HSD17B8: variants seen among roughly 807,000 people sequenced by gnomAD.
HSD17B8 encodes the protein hydroxysteroid 17-beta dehydrogenase 8, also known as (3R)-3-hydroxyacyl-CoA dehydrogenase.
HSD17B8 carries 23 observed loss-of-function variants against 33.2 expected under a neutral mutation model. The ratio of observed to expected loss-of-function variants is 0.69; its 90% CI spans 0.50 to 0.98. The LOEUF (loss-of-function observed/expected upper bound fraction) is 0.98, where lower values mean the gene tolerates loss of function less well. HSD17B8 is among the 50% of genes least tolerant of loss of function. The probability of loss-of-function intolerance (pLI) is 0.00; values close to 1 mark genes in which losing one functional copy is unlikely to be tolerated. For synonymous variants in HSD17B8, 137 were observed against 138.6 expected (o/e 0.99, Z 0.08); for missense variants, 345 against 347.5 (o/e 0.99, Z 0.06).
At position 33,205,139 on chromosome 6, in the gene HSD17B8, C is replaced by T. The variant is rs762139963; in HGVS notation, c.270+20C>T. ...GTGCAGGTGAACGCTAGGCCACTTT[C>T]CCCCTCTAAAGCTCTGATATTGCCT... is the stretch of plus-strand genomic sequence containing the variant. On this transcript the variant is annotated intron_variant, in intron 2 of 8. Coordinates refer to ENST00000374662, the MANE Select transcript of HSD17B8 (RefSeq NM_014234.5). This position sits in a 1 kb window ranked among gnomAD's most constrained non-coding sequence, Gnocchi z 5.0. The T allele has an allele frequency of 1.9e-6, 3 of 1,582,520 alleles. No individual in the cohort carries two copies. The highest frequency in any genetic ancestry group is 3.5e-5 in the Admixed American group (2 of 57,522).
chr6:33,206,044 A>T lies in HSD17B8; in HGVS notation c.652-90A>T. The T allele has an allele frequency of 6.8e-7, 1 of 1,470,820 alleles. No homozygotes were observed. Among genetic ancestry groups the T allele is most frequent in the Non-Finnish European group, 9.5e-7 (1 of 1,058,084 alleles). The allele number at this position is 1,470,820 out of a possible 1,614,324, so 91.1% of individuals were successfully genotyped here. A position where few individuals can be genotyped will look rare whatever the true frequency, so the allele number is the denominator to read the frequency against. ...CAAACATTAAATATTCAATGAATGT[A>T]TGAGAAATGAAGACAAAAAAGGGTC... On this transcript the variant is annotated intron_variant, in intron 6 of 8. Coordinates refer to ENST00000374662, the MANE Select transcript of HSD17B8 (RefSeq NM_014234.5). This position sits in a 1 kb window ranked among gnomAD's most constrained non-coding sequence, Gnocchi z 6.2.
At position 33,206,084 on chromosome 6, in the gene HSD17B8, C is replaced by CA. The variant is rs756421860; in HGVS notation, c.652-43dup. On this transcript the variant is annotated intron_variant, in intron 6 of 8. Coordinates refer to ENST00000374662, the MANE Select transcript of HSD17B8 (RefSeq NM_014234.5). The surrounding 1 kb of genome is among the most constrained non-coding windows in gnomAD (Gnocchi z 6.2). ...AAAAAAGGGTCACAGACTCAGTCTT[C>CA]AAAAAAATCCATAAAAGAAGCTTTC... is the stretch of plus-strand genomic sequence containing the variant. 8.8e-6 allele frequency: 14 copies of CA among 1,588,408 alleles called. No individual in the cohort carries two copies. The highest frequency in any genetic ancestry group is 1.1e-5 in the South Asian group (1 of 88,728).
In HSD17B8 at chr6:33,206,580, C is replaced by A; in HGVS notation, c.770-58C>A. 1.9e-6 allele frequency: 3 copies of A among 1,601,582 alleles called. No individual in the cohort carries two copies. The South Asian group carries it at 3.3e-5, about 18-fold the overall frequency. On this transcript the variant is annotated intron_variant, in intron 8 of 8. Coordinates refer to ENST00000374662, the MANE Select transcript of HSD17B8 (RefSeq NM_014234.5). The surrounding 1 kb of genome is among the most constrained non-coding windows in gnomAD (Gnocchi z 6.2). ...AAGGCCAGGGACAGAAGTGGGTACC[C>A]CCTAGCCCATTTGTGTCTCCACCCA...
In HSD17B8 at chr6:33,205,852, C is replaced by T; in HGVS notation, c.591C>T (p.Val197=). The T allele has an allele frequency of 6.2e-7, 1 of 1,612,964 alleles. No homozygotes were observed. The highest frequency in any genetic ancestry group is 8.5e-7 in the Non-Finnish European group (1 of 1,179,978). Residue 197 remains valine (V), a synonymous_variant, in exon 6 of 9, where the codon GTC becomes GTT. Coordinates refer to ENST00000374662, the MANE Select transcript of HSD17B8 (RefSeq NM_014234.5). The surrounding 1 kb of genome is among the most constrained non-coding windows in gnomAD (Gnocchi z 5.0). The part of the protein sequence containing the change: ...LGRHGIRCNS[V]LPGFIATPMT... ...GACATGGGATCCGCTGTAACTCTGTCCTCCCAGGGTTCATTGCAACACCCA... is the reference window on the plus strand; with the variant it reads ...GACATGGGATCCGCTGTAACTCTGTTCTCCCAGGGTTCATTGCAACACCCA...
chr6:33,204,749 T>C, intron 1 of HSD17B8, 29 bp downstream of exon 1: 1 of 1,612,556 alleles, frequency 6.2e-7, no homozygotes. Flanking sequence ...CCGGGCGGTT[T>C]GGGGTATTGG....
In HSD17B8 at chr6:33,205,556, C is replaced by T. The variant is rs760563977; in HGVS notation, c.480+17C>T. 6 of 1,612,116 alleles carry T rather than the reference C, an allele frequency of 3.7e-6. No individual in the cohort carries two copies. The South Asian group carries it at 4.4e-5, about 12-fold the overall frequency. On this transcript the variant is annotated intron_variant, in intron 4 of 8. Coordinates refer to ENST00000374662, the MANE Select transcript of HSD17B8 (RefSeq NM_014234.5). This position sits in a 1 kb window ranked among gnomAD's most constrained non-coding sequence, Gnocchi z 5.0. ...GTAGGAAAGGTCAGGTTGAGTTGGA[C>T]GAGGTCAGCCAGCCAAGTGGTATAG...
At position 33,206,269 on chromosome 6, in the gene HSD17B8, G is replaced by A. The variant is rs1775056402; in HGVS notation, c.694+93G>A. The A allele has an allele frequency of 6.4e-7, 1 of 1,555,194 alleles. No individual in the cohort carries two copies. The highest frequency in any genetic ancestry group is 8.9e-7 in the Non-Finnish European group (1 of 1,128,276). ...ATTTTCTAGGGGACTGGTGGTTGGT[G>A]TCTGTGGAGAGGTTTGTGGGGAGGG... On this transcript the variant is annotated intron_variant, in intron 7 of 8. Coordinates refer to ENST00000374662, the MANE Select transcript of HSD17B8 (RefSeq NM_014234.5). The surrounding 1 kb of genome is among the most constrained non-coding windows in gnomAD (Gnocchi z 6.2).
Position 33,204,702 on chromosome 6 carries a change from G to C in HSD17B8, c.34G>C (p.Ala12Pro). ...TCAGCTCCAGAACCGACTCCGCTCCGCACTGGCCTTGGTCACAGGTTGAGG... is the reference window on the plus strand; with the variant it reads ...TCAGCTCCAGAACCGACTCCGCTCCCCACTGGCCTTGGTCACAGGTTGAGG... Reference protein sequence around the residue: ...ASQLQNRLRSALALVTGAGSG... With the variant: ...ASQLQNRLRSPLALVTGAGSG... Residue 12 changes from alanine (A) to proline (P), a missense_variant, in exon 1 of 9, where the codon GCA becomes CCA. Transcript: ENST00000374662. 1 of 1,600,982 alleles carries C rather than the reference G, an allele frequency of 6.2e-7. No individual in the cohort carries two copies. The highest frequency in any genetic ancestry group is 2.3e-5 in the East Asian group (1 of 44,078).
chr6:33,205,981 G>GAGAT lies in HSD17B8; in HGVS notation c.651+72_651+73insTAGA, dbSNP rs1201931887. The GAGAT allele has an allele frequency of 1.2e-5, 17 of 1,400,180 alleles. No homozygotes were observed. The highest frequency in any genetic ancestry group is 1.7e-5 in the Non-Finnish European group (17 of 991,784). The allele number at this position is 1,400,180 out of a possible 1,614,324, so 86.7% of individuals were successfully genotyped here. A position where few individuals can be genotyped will look rare whatever the true frequency, so the allele number is the denominator to read the frequency against. On this transcript the variant is annotated intron_variant, in intron 6 of 8. Coordinates refer to ENST00000374662, the MANE Select transcript of HSD17B8 (RefSeq NM_014234.5). The surrounding 1 kb of genome is among the most constrained non-coding windows in gnomAD (Gnocchi z 5.0). Reference sequence around the variant, plus strand: ...TCTCTCTGGGCTTCACAGAGAGAGAGAGAGAGAGAGAGAGAGAATACTGGG... The same window carrying GAGAT: ...TCTCTCTGGGCTTCACAGAGAGAGAGAGATAGAGAGAGAGAGAGAGAATACTGGG...
chr6:33,205,549 A>G lies in HSD17B8; in HGVS notation c.480+10A>G. 6.2e-7 allele frequency: 1 copy of G among 1,612,852 alleles called. No individual in the cohort carries two copies. The highest frequency in any genetic ancestry group is 8.5e-7 in the Non-Finnish European group (1 of 1,179,820). ...TAGCATCGTAGGAAAGGTCAGGTTG[A>G]GTTGGACGAGGTCAGCCAGCCAAGT... On this transcript the variant is annotated intron_variant, in intron 4 of 8. Transcript: ENST00000374662. The surrounding 1 kb of genome is among the most constrained non-coding windows in gnomAD (Gnocchi z 5.0).
Position 33,206,010 on chromosome 6 carries a change from A to G in HSD17B8, c.651+98A>G. On this transcript the variant is annotated intron_variant, in intron 6 of 8. Transcript: ENST00000374662. The surrounding 1 kb of genome is among the most constrained non-coding windows in gnomAD (Gnocchi z 6.2). Reference sequence around the variant, plus strand: ...GAGAGAGAGAGAGAATACTGGGCACAGTTCCTGGCAAACATTAAATATTCA... The same window carrying G: ...GAGAGAGAGAGAGAATACTGGGCACGGTTCCTGGCAAACATTAAATATTCA... The G allele has an allele frequency of 7.2e-7, 1 of 1,390,736 alleles. No individual in the cohort carries two copies. The highest frequency in any genetic ancestry group is 1.0e-6 in the Non-Finnish European group (1 of 987,176). The allele number at this position is 1,390,736 out of a possible 1,614,324, so 86.1% of individuals were successfully genotyped here. A position where few individuals can be genotyped will look rare whatever the true frequency, so the allele number is the denominator to read the frequency against.
Position 33,206,105 on chromosome 6 carries a change from C to G in HSD17B8, c.652-29C>G. ...TCTTCAAAAAAATCCATAAAAGAAG[C>G]TTTCACCCACATGAGTATTTCCTTA... On this transcript the variant is annotated intron_variant, in intron 6 of 8. Transcript: ENST00000374662. The surrounding 1 kb of genome is among the most constrained non-coding windows in gnomAD (Gnocchi z 6.2). The G allele has an allele frequency of 1.9e-6, 3 of 1,606,336 alleles. 1 individual carries two copies. Among genetic ancestry groups the G allele is most frequent in the African/African-American group, 2.7e-5 (2 of 74,470 alleles).
Position 33,204,693 on chromosome 6 carries a change from C to T in HSD17B8, c.25C>T (p.Leu9Phe). The T allele has an allele frequency of 6.2e-7, 1 of 1,613,018 alleles. No homozygotes were observed. Among genetic ancestry groups the T allele is most frequent in the South Asian group, 1.1e-5 (1 of 91,084 alleles). Residue 9 changes from leucine (L) to phenylalanine (F), a missense_variant, in exon 1 of 9, where the codon CTC (leucine) becomes TTC (phenylalanine). Transcript: ENST00000374662. MASQLQNR[L>F]RSALALVTGA... The stretch of plus-strand genomic sequence containing the variant: ...CATGGCGTCTCAGCTCCAGAACCGA[C>T]TCCGCTCCGCACTGGCCTTGGTCAC...
rs1484656921 is a variant in HSD17B8 at position 33,205,391 on chromosome 6, G to A, written c.387+54G>A. The A allele has an allele frequency of 6.2e-7, 1 of 1,605,182 alleles. No individual in the cohort carries two copies. Among genetic ancestry groups the A allele is most frequent in the South Asian group, 1.1e-5 (1 of 90,910 alleles). On this transcript the variant is annotated intron_variant, in intron 3 of 8. Transcript: ENST00000374662. The surrounding 1 kb of genome is among the most constrained non-coding windows in gnomAD (Gnocchi z 5.0). Reference sequence around the variant, plus strand: ...GCCCCCTTAGCCTGGGGAGGGAGTTGGAGGAGGGCTGTCACCCCAGCTGAT... The same window carrying A: ...GCCCCCTTAGCCTGGGGAGGGAGTTAGAGGAGGGCTGTCACCCCAGCTGAT...
Position 33,205,550 on chromosome 6 carries a change from G to A in HSD17B8, c.480+11G>A, listed in dbSNP as rs771842527. 2 of 1,612,854 alleles carry A rather than the reference G, an allele frequency of 1.2e-6. No homozygotes were observed. The highest frequency in any genetic ancestry group is 1.7e-6 in the Non-Finnish European group (2 of 1,179,794). The stretch of plus-strand genomic sequence containing the variant: ...AGCATCGTAGGAAAGGTCAGGTTGA[G>A]TTGGACGAGGTCAGCCAGCCAAGTG... On this transcript the variant is annotated intron_variant, in intron 4 of 8. Transcript: ENST00000374662. The surrounding 1 kb of genome is among the most constrained non-coding windows in gnomAD (Gnocchi z 5.0).
Position 33,206,415 on chromosome 6 carries a change from T to C in HSD17B8, c.735T>C (p.Ser245=), listed in dbSNP as rs1775067294. The C allele has an allele frequency of 1.2e-6, 2 of 1,613,800 alleles. No individual in the cohort carries two copies. Among genetic ancestry groups the C allele is most frequent in the South Asian group, 2.2e-5 (2 of 91,088 alleles). Reference sequence around the variant, plus strand: ...TCGCATTCTTGGCATCTGAAGATAGTGGATACATCACAGGGACCTCAGTGG... The same window carrying C: ...TCGCATTCTTGGCATCTGAAGATAGCGGATACATCACAGGGACCTCAGTGG... ...DVVAFLASED[S]GYITGTSVEV... Residue 245 remains serine (S), a synonymous_variant, in exon 8 of 9, where the codon AGT becomes AGC. Coordinates refer to ENST00000374662, the MANE Select transcript of HSD17B8 (RefSeq NM_014234.5). The surrounding 1 kb of genome is among the most constrained non-coding windows in gnomAD (Gnocchi z 6.2).
chr6:33,206,438 TG>T lies in HSD17B8; in HGVS notation c.760del (p.Glu254LysfsTer57). ...AGTGGATACATCACAGGGACCTCAG[TG>T]GAAGTCACTGGTATGAGGCCAGCAT... The part of the protein sequence containing the change: ...EDSGYITGTS[V>X]EVTGGLFM On this transcript the variant is annotated frameshift_variant, in exon 8 of 9. Transcript: ENST00000374662. LOFTEE classifies it high-confidence loss of function. This position sits in a 1 kb window ranked among gnomAD's most constrained non-coding sequence, Gnocchi z 6.2. 6.2e-7 allele frequency: 1 copy of T among 1,613,436 alleles called. No individual in the cohort carries two copies. Among genetic ancestry groups the T allele is most frequent in the South Asian group, 1.1e-5 (1 of 91,070 alleles).
At position 33,205,313 on chromosome 6, in the gene HSD17B8, CAA is replaced by C. The variant is rs1774955999; in HGVS notation, c.365_366del (p.Lys122SerfsTer34). On this transcript the variant is annotated frameshift_variant, in exon 3 of 9. Coordinates refer to ENST00000374662, the MANE Select transcript of HSD17B8 (RefSeq NM_014234.5). LOFTEE classifies it high-confidence loss of function. This position sits in a 1 kb window ranked among gnomAD's most constrained non-coding sequence, Gnocchi z 5.0. ...TGCACATGTCTGAGGATGACTGGGA[CAA>C]AGTCATAGCTGTCAACCTCAAGGTG... ...LLHMSEDDWD[K>X]VIAVNLKGTF... The C allele has an allele frequency of 1.2e-6, 2 of 1,613,212 alleles. No individual in the cohort carries two copies. Among genetic ancestry groups the C allele is most frequent in the Admixed American group, 3.3e-5 (2 of 60,006 alleles).
In HSD17B8 at chr6:33,204,995, A is replaced by C. The variant is rs762264687; in HGVS notation, c.146A>C (p.Gln49Pro). Reference sequence around the variant, plus strand: ...TGCGACCTGGACCGGGCAGCGGCACAGGAGACGGTGCGGCTGCTGGGCGGG... The same window carrying C: ...TGCGACCTGGACCGGGCAGCGGCACCGGAGACGGTGCGGCTGCTGGGCGGG... ...AACDLDRAAAQETVRLLGGPG... is the reference protein window; with the variant it reads ...AACDLDRAAAPETVRLLGGPG... The change falls in exon 2 of 9, where the codon CAG (glutamine) becomes CCG (proline). Residue 49 changes from glutamine to proline, a missense_variant. By Grantham distance (76) the Gln-to-Pro change is moderately conservative. Coordinates refer to ENST00000374662, the MANE Select transcript of HSD17B8 (RefSeq NM_014234.5). 6.7e-7 allele frequency: 1 copy of C among 1,496,852 alleles called. No homozygotes were observed. The highest frequency in any genetic ancestry group is 8.9e-7 in the Non-Finnish European group (1 of 1,128,674). 92.7% of individuals were successfully genotyped at this position (1,496,852 alleles called of 1,614,324 possible).
Sources: allele counts gnomAD v4.1 joint callset, GRCh38; gene constraint gnomAD v4.1.1; non-coding constraint Gnocchi (gnomAD v3.1); transcripts MANE v1.5; gene names NCBI Gene and HGNC (gene_info 2026-07-23, HGNC 2026-07-21).